The following FSTL5 variants were observed in gnomAD, a reference collection of about 807,000 sequenced individuals.
FSTL5 encodes the protein follistatin like 5, also known as follistatin-related protein 5.
Under a neutral mutation model 89.1 loss-of-function variants are expected in FSTL5, and 62 were observed. The observed-to-expected ratio is 0.70, with a 90% CI of 0.57 to 0.86. The LOEUF is 0.86. Ranked by LOEUF, FSTL5 falls within the 40% of genes least tolerant of loss-of-function variation. FSTL5 has a pLI of 0.00. For missense variants in FSTL5, 1,057 were observed against 1,001.6 expected (o/e 1.06, Z -0.75); for synonymous variants, 383 against 346.2 (o/e 1.11, Z -1.18).
intron 3 of FSTL5, among the ~76,000 whole-genome samples, chr4:161,980,221 GAAGA>G (rs2111044899): frequency 7.2e-6 from 1 of 138,968 alleles, no homozygotes; most frequent in East Asian, 2.1e-4. Context: ...GGAAAGGAAA[GAAGA>G]AAGGAAGAAA....
At chr4:161,472,982 C>G (rs570301835) in intron 13 of FSTL5, among the ~76,000 whole-genome samples, 1 of 152,282 alleles carries the variant, frequency 6.6e-6, no homozygotes, top group Non-Finnish European at 1.5e-5. Flanking sequence ...CTTGGCCTCC[C>G]AAAGTGCTGG....
intron 15 of FSTL5, among the ~76,000 whole-genome samples, chr4:161,399,132 G>A (rs1731098575): frequency 1.3e-5 from 2 of 152,026 alleles, no homozygotes; most frequent in South Asian, 2.1e-4. Context: ...CATGCTCAGA[G>A]GTTAACTGTG....
At chr4:161,612,854 TTA>T (rs1421705103) in intron 7 of FSTL5, among the ~76,000 whole-genome samples, 2 of 152,026 alleles carry the variant, frequency 1.3e-5, no homozygotes, top group African/African-American at 4.8e-5. Flanking sequence ...GTGGTATCAA[TTA>T]TGTTACAAGA....
chr4:162,081,793 T>TTCTCTC (rs5863514), intron 2 of FSTL5, among the ~76,000 whole-genome samples: 1 of 148,528 alleles, frequency 6.7e-6, no homozygotes, highest in African/African-American at 2.5e-5. Flanking sequence ...AGAAAACTGC[T>TTCTCTC]TCTCTCTCTC....
chr4:161,644,621 T>C (rs147247057), intron 7 of FSTL5, among the ~76,000 whole-genome samples: 26 of 151,802 alleles, frequency 1.7e-4, no homozygotes, highest in African/African-American at 4.6e-4. Flanking sequence ...CATGGGAGAA[T>C]AGTAGGAAGA....
chr4:161,953,711 A>G lies in FSTL5; in HGVS notation c.161-33059T>C, dbSNP rs188596230. ...AGCACATATTTTTTTCAATGAGAAC[A>G]AATATTTTAAACCCAGAGGGAACAA... On this transcript the variant is annotated intron_variant, in intron 3 of 15. Coordinates refer to ENST00000306100, the MANE Select transcript of FSTL5 (RefSeq NM_020116.5). Among the ~76,000 whole-genome samples the G allele has an allele frequency of 1.0e-3, 157 of 151,786 alleles. 2 individuals carry two copies. Among genetic ancestry groups the G allele is most frequent in the African/African-American group, 3.2e-3 (134 of 41,546 alleles).
intron 7 of FSTL5, among the ~76,000 whole-genome samples, chr4:161,626,647 CTT>C (rs1332624956): frequency 1.3e-5 from 2 of 152,098 alleles, no homozygotes; most frequent in Middle Eastern, 3.2e-3. Context: ...CATTTCTAGT[CTT>C]ATTATTTAAG....
At chr4:162,000,212 A>C (rs963822254) in intron 3 of FSTL5, among the ~76,000 whole-genome samples, 1 of 152,174 alleles carries the variant, frequency 6.6e-6, no homozygotes, top group Non-Finnish European at 1.5e-5. Flanking sequence ...AGATTGAATA[A>C]TTTTCTTTTT....
intron 1 of FSTL5, among the ~76,000 whole-genome samples, chr4:162,135,118 A>G (rs1218166363): frequency 6.6e-6 from 1 of 152,178 alleles, no homozygotes; most frequent in East Asian, 1.9e-4. Context: ...CCACTTAATT[A>G]GCTCATTATG....
At chr4:161,595,595 T>C (rs1269022412) in intron 7 of FSTL5, among the ~76,000 whole-genome samples, 1 of 152,084 alleles carries the variant, frequency 6.6e-6, no homozygotes, top group Non-Finnish European at 1.5e-5. Flanking sequence ...AAAATTTTTC[T>C]GGCAACTACC....
rs1046166211 is a variant in FSTL5, at chr4:161,779,785, A to G, written c.410-3711T>C. Among the ~76,000 whole-genome samples, 15 of 44,276 alleles carry G rather than the reference A, an allele frequency of 3.4e-4. 1 individual carries two copies. The highest frequency in any genetic ancestry group is 2.5e-3 in the South Asian group (3 of 1,202). 29.0% of individuals were successfully genotyped at this position (44,276 alleles called of 152,430 possible). ...TATATATATATATATGTATATATAT[A>G]TATATATATATATATATATATATAT... is the stretch of plus-strand genomic sequence containing the variant. On this transcript the variant is annotated intron_variant, in intron 4 of 15. Transcript: ENST00000306100.
intron 3 of FSTL5, among the ~76,000 whole-genome samples, chr4:161,973,862 T>C (rs1228600508): frequency 6.6e-6 from 1 of 152,116 alleles, no homozygotes; most frequent in East Asian, 1.9e-4. Context: ...GAAAACCCCA[T>C]TGTCTCAGCC....
intron 3 of FSTL5, among the ~76,000 whole-genome samples, chr4:162,031,402 A>G: frequency 6.6e-6 from 1 of 152,332 alleles, no homozygotes; most frequent in East Asian, 1.9e-4. Flanking sequence ...AATATAAAAT[A>G]TTTGATTTTC....
At chr4:161,478,048 A>C (rs1488584505) in intron 13 of FSTL5, among the ~76,000 whole-genome samples, 2 of 152,058 alleles carry the variant, frequency 1.3e-5, no homozygotes, top group Non-Finnish European at 2.9e-5. Context: ...CACACACATA[A>C]ACTCACATGT....
At chr4:162,143,591 C>T (rs1732835293) in intron 1 of FSTL5, among the ~76,000 whole-genome samples, 1 of 151,860 alleles carries the variant, frequency 6.6e-6, no homozygotes, top group Non-Finnish European at 1.5e-5. Flanking sequence ...ATATTAATTG[C>T]CCTCCATAAT....
At chr4:161,754,183 A>G (rs1740498582) in intron 6 of FSTL5, among the ~76,000 whole-genome samples, 1 of 152,062 alleles carries the variant, frequency 6.6e-6, no homozygotes, top group Admixed American at 6.6e-5. Context: ...AAAGAACAAT[A>G]GAGCTATTAC....
At position 161,851,749 on chromosome 4, in the gene FSTL5, ATTT is replaced by A. The variant is rs34215301; in HGVS notation, c.409+68652_409+68654del. ...AGATATTTCCTCTATTATTTAGAGA[ATTT>A]TTTTTTTTTGATAATATATTACTTA... On this transcript the variant is annotated intron_variant, in intron 4 of 15. Transcript: ENST00000306100. Among the ~76,000 whole-genome samples the A allele has an allele frequency of 4.3e-3, 652 of 150,820 alleles. 4 individuals carry two copies. Among genetic ancestry groups the A allele is most frequent in the Non-Finnish European group, 6.2e-3 (419 of 67,654 alleles).
At chr4:162,124,208 A>T (rs1203001538) in intron 1 of FSTL5, among the ~76,000 whole-genome samples, 3 of 152,230 alleles carry the variant, frequency 2.0e-5, no homozygotes, top group African/African-American at 7.2e-5. Context: ...TTAAATTTAG[A>T]GATAGCTATT....
At chr4:162,100,378 G>A (rs1411594719) in intron 2 of FSTL5, among the ~76,000 whole-genome samples, 1 of 152,124 alleles carries the variant, frequency 6.6e-6, no homozygotes, top group Non-Finnish European at 1.5e-5. Flanking sequence ...GGCTAACACG[G>A]TGAAACCCCA....
Sources: gnomAD v4.1 joint callset for allele counts (sites outside exome capture counted in the v4.1 genomes callset) on GRCh38, gnomAD v4.1.1 for gene constraint, MANE v1.5 for transcripts, NCBI Gene and HGNC (gene_info 2026-07-23, HGNC 2026-07-21) for gene names.